The following PPP1R12B variants were observed in gnomAD, a reference collection of about 807,000 sequenced individuals.
PPP1R12B encodes myosin phosphatase target subunit 2.
In PPP1R12B, 76 loss-of-function variants were observed where a neutral mutation model predicts 126.1. The observed-to-expected ratio is 0.60, with a 90% CI of 0.50 to 0.73. PPP1R12B has a LOEUF of 0.73. PPP1R12B is among the 30% of genes least tolerant of loss of function. The pLI is 0.00. For missense variants in PPP1R12B, 1,052 were observed against 1,205.1 expected (o/e 0.87, Z 1.88); for synonymous variants, 356 against 434.7 (o/e 0.82, Z 2.25).
At chr1:202,459,945 T>G (rs773338345) in intron 13 of PPP1R12B, among the ~76,000 whole-genome samples, 1 of 152,200 alleles carries the variant, frequency 6.6e-6, no homozygotes. Context: ...AAATGGCAAG[T>G]GGCAAGCTGT....
intron 2 of PPP1R12B, 52 bp downstream of exon 2, chr1:202,416,969 C>T: frequency 6.4e-7 from 1 of 1,555,004 alleles, no homozygotes; most frequent in Non-Finnish European, 8.7e-7. Context: ...GAATAGCCTT[C>T]ATTTCTCCTC....
chr1:202,349,030 C>T lies in PPP1R12B; in HGVS notation c.179C>T (p.Ala60Val). 6.2e-7 allele frequency: 1 copy of T among 1,612,932 alleles called. No homozygotes were observed. The highest frequency in any genetic ancestry group is 8.5e-7 in the Non-Finnish European group (1 of 1,179,574). Residue 60 changes from alanine (A) to valine (V), a missense_variant, in exon 1 of 24, where the codon GCT becomes GTT. Transcript: ENST00000608999. The part of the protein sequence containing the change: ...GSPRVRFEDG[A>V]VFLAACSSGD... ...CCCAGGGTCCGCTTCGAGGACGGTG[C>T]TGTCTTTCTGGCCGCCTGCTCTAGC...
chr1:202,426,089 T>C lies in PPP1R12B; in HGVS notation c.701+364T>C, dbSNP rs1298691375. Among the ~76,000 whole-genome samples the C allele has an allele frequency of 1.3e-5, 2 of 152,224 alleles. 1 individual carries two copies. The highest frequency in any genetic ancestry group is 3.8e-4 in the East Asian group (2 of 5,200). On this transcript the variant is annotated intron_variant, in intron 4 of 23. Transcript: ENST00000608999. ...GTTTTGACTTATATAATTTCTTTTG[T>C]GTCATTAGATTAATTATATAGATCT...
At chr1:202,532,416 A>G (rs946011267) in intron 18 of PPP1R12B, among the ~76,000 whole-genome samples, 1 of 152,202 alleles carries the variant, frequency 6.6e-6, no homozygotes, top group African/African-American at 2.4e-5. Flanking sequence ...AGTAGGTCTC[A>G]GCCTTATTTA....
Position 202,430,707 on chromosome 1 carries a change from T to G in PPP1R12B, c.922-24T>G, listed in dbSNP as rs778518120. 6 of 1,610,802 alleles carry G rather than the reference T, an allele frequency of 3.7e-6. No individual in the cohort carries two copies. The East Asian group carries it at 8.9e-5, about 24-fold the overall frequency. ...CACCAATAGTCAACTTCTTCCCTTTTCTCTCTGTTTTCTCCATTTCCAGCT... is the reference window on the plus strand; with the variant it reads ...CACCAATAGTCAACTTCTTCCCTTTGCTCTCTGTTTTCTCCATTTCCAGCT... On this transcript the variant is annotated intron_variant, in intron 6 of 23. Coordinates refer to ENST00000608999, the MANE Select transcript of PPP1R12B (RefSeq NM_002481.4).
Position 202,589,612 on chromosome 1 carries a change from C to G in PPP1R12B, c.*9052C>G, listed in dbSNP as rs532324973. 6.6e-6 allele frequency: 1 copy of G among 152,356 alleles called. No homozygotes were observed. Among genetic ancestry groups the G allele is most frequent in the Admixed American group, 6.5e-5 (1 of 15,312 alleles). 9.4% of individuals were successfully genotyped at this position (152,356 alleles called of 1,614,324 possible). On this transcript the variant is annotated 3_prime_UTR_variant, in exon 24 of 24. Transcript: ENST00000608999. ...CAGATACAGTATCACCTAGCCGTCA[C>G]GTGGTCCAGCCCTCTTGGGGGGAAA...
chr1:202,578,502 G>A (rs1292079047), intron 23 of PPP1R12B, among the ~76,000 whole-genome samples: 1 of 152,216 alleles, frequency 6.6e-6, no homozygotes, highest in Non-Finnish European at 1.5e-5. Flanking sequence ...CAGGGATAGA[G>A]GAACGAAGGA....
chr1:202,379,780 C>T lies in PPP1R12B; in HGVS notation c.291+30638C>T, dbSNP rs539987447. Among the ~76,000 whole-genome samples, 4 of 152,240 alleles carry T rather than the reference C, an allele frequency of 2.6e-5. No homozygotes were observed. In the South Asian group the frequency reaches 8.3e-4, roughly 32 times the overall value. ...TAAAAAACAATCCATCATTGGCTTT[C>T]GAGCTTGGTTATACATCAGAATACT... On this transcript the variant is annotated intron_variant, in intron 1 of 23. Coordinates refer to ENST00000608999, the MANE Select transcript of PPP1R12B (RefSeq NM_002481.4).
At chr1:202,571,044 C>CA (rs1382079339) in intron 23 of PPP1R12B, among the ~76,000 whole-genome samples, 2 of 152,222 alleles carry the variant, frequency 1.3e-5, no homozygotes, top group African/African-American at 4.8e-5. Context: ...AGCCTCCACT[C>CA]ACCAGTCATG....
chr1:202,501,842 T>C, intron 18 of PPP1R12B: 1 of 983,900 alleles, frequency 1.0e-6, no homozygotes, highest in Non-Finnish European at 1.2e-6. Flanking sequence ...ATTCATCCAT[T>C]TGGTTTTTTT....
intron 9 of PPP1R12B, 42 bp from the exon 10 acceptor site, chr1:202,437,779 A>G: frequency 6.5e-7 from 1 of 1,530,912 alleles, no homozygotes; most frequent in Non-Finnish European, 8.9e-7. Context: ...AAGAATCATC[A>G]GAGCCTTTAT....
intron 1 of PPP1R12B, among the ~76,000 whole-genome samples, chr1:202,351,589 T>C (rs1656020306): frequency 6.6e-6 from 1 of 152,238 alleles, no homozygotes; most frequent in Non-Finnish European, 1.5e-5. Context: ...AATGGGAGAC[T>C]GGAGCTGTTG....
intron 13 of PPP1R12B, among the ~76,000 whole-genome samples, chr1:202,467,167 A>G (rs1675109751): frequency 6.6e-6 from 1 of 151,466 alleles, no homozygotes; most frequent in Non-Finnish European, 1.5e-5. Context: ...TTAAAATCTG[A>G]GAATGGTCCT....
At chr1:202,360,772 G>C (rs1308084345) in intron 1 of PPP1R12B, among the ~76,000 whole-genome samples, 2 of 151,904 alleles carry the variant, frequency 1.3e-5, no homozygotes, top group African/African-American at 4.8e-5. Flanking sequence ...ATTGACTGTT[G>C]CAAGGCTTGA....
chr1:202,567,045 T>C (rs922872396), intron 21 of PPP1R12B, among the ~76,000 whole-genome samples: 1 of 152,222 alleles, frequency 6.6e-6, no homozygotes, highest in South Asian at 2.1e-4. Context: ...TTTTTTGCCG[T>C]GAGGCTAAGT....
At chr1:202,370,620 T>C (rs1660055072) in intron 1 of PPP1R12B, among the ~76,000 whole-genome samples, 1 of 152,114 alleles carries the variant, frequency 6.6e-6, no homozygotes, top group Non-Finnish European at 1.5e-5. Context: ...CACTGCAACC[T>C]CCGCCTCCCG....
intron 1 of PPP1R12B, among the ~76,000 whole-genome samples, chr1:202,406,275 AAGG>A (rs1171867119): frequency 6.6e-6 from 1 of 152,204 alleles, no homozygotes; most frequent in Non-Finnish European, 1.5e-5. Context: ...CCAAGAGAGG[AAGG>A]AGGTTTCTAA....
chr1:202,564,559 G>T lies in PPP1R12B; in HGVS notation c.2757+12G>T. 1.9e-6 allele frequency: 3 copies of T among 1,588,178 alleles called. No individual in the cohort carries two copies. Among genetic ancestry groups the T allele is most frequent in the Non-Finnish European group, 2.6e-6 (3 of 1,160,476 alleles). Reference sequence around the variant, plus strand: ...AGAAGGTGGCCCAGGTAAGACGGAAGAAGAAGAAAAAAGATGAGAACCAAG... The same window carrying T: ...AGAAGGTGGCCCAGGTAAGACGGAATAAGAAGAAAAAAGATGAGAACCAAG... On this transcript the variant is annotated intron_variant, in intron 21 of 23. Coordinates refer to ENST00000608999, the MANE Select transcript of PPP1R12B (RefSeq NM_002481.4).
chr1:202,534,715 G>A (rs1193777704), intron 18 of PPP1R12B, among the ~76,000 whole-genome samples: 1 of 152,000 alleles, frequency 6.6e-6, no homozygotes. Context: ...CCTCACCACT[G>A]TACCCTCCTC....
Sources: gnomAD v4.1 joint callset for allele counts (sites outside exome capture counted in the v4.1 genomes callset) on GRCh38, gnomAD v4.1.1 for gene constraint, MANE v1.5 for transcripts, NCBI Gene and HGNC (gene_info 2026-07-23, HGNC 2026-07-21) for gene names.